Variants in PXDNL observed in about 807,000 individuals in gnomAD.
PXDNL encodes peroxidasin like.
Under a neutral mutation model 150.8 loss-of-function variants are expected in PXDNL, and 145 were observed. That is an observed-to-expected ratio of 0.96 (90% CI 0.84 to 1.10). The LOEUF is 1.10. Ranked by LOEUF, PXDNL falls within the 50% of genes least tolerant of loss-of-function variation. The pLI is 0.00. For missense variants in PXDNL, 2,087 were observed against 1,873.9 expected (o/e 1.11, Z -2.10); for synonymous variants, 757 against 725.7 (o/e 1.04, Z -0.69).
At chr8:51,644,615 G>A (rs1469723154) in intron 2 of PXDNL, among the ~76,000 whole-genome samples, 44 of 14,548 alleles carry the variant, frequency 3.0e-3, no homozygotes, top group Non-Finnish European at 4.8e-3. Flanking sequence ...TCCTGCCACC[G>A]CGCCCAGCTA....
intron 1 of PXDNL, among the ~76,000 whole-genome samples, chr8:51,730,525 C>T (rs1374441970): frequency 1.3e-5 from 2 of 152,088 alleles, no homozygotes; most frequent in Non-Finnish European, 2.9e-5. Flanking sequence ...TGTCTATATG[C>T]CATGGATGTA....
intron 12 of PXDNL, among the ~76,000 whole-genome samples, chr8:51,446,120 T>C (rs994588): frequency 0.54 from 81,968 of 152,184 alleles, 26,131 homozygotes; most frequent in Non-Finnish European, 0.7. Flanking sequence ...TAGCTCAGTG[T>C]AGGCCTTCAT....
chr8:51,588,356 C>T (rs1173353554), intron 3 of PXDNL, among the ~76,000 whole-genome samples: 2 of 152,186 alleles, frequency 1.3e-5, no homozygotes, highest in Admixed American at 1.3e-4. Context: ...GCAGTGGGTA[C>T]ATGAATGTGT....
At chr8:51,637,898 G>C (rs1028608988) in intron 2 of PXDNL, among the ~76,000 whole-genome samples, 73 of 152,266 alleles carry the variant, frequency 4.8e-4, no homozygotes, top group African/African-American at 1.7e-3. Context: ...ACATATAATT[G>C]TCAGATTCAC....
At chr8:51,497,964 A>C (rs572347946) in intron 5 of PXDNL, among the ~76,000 whole-genome samples, 30 of 152,320 alleles carry the variant, frequency 2.0e-4, no homozygotes, top group African/African-American at 6.3e-4. Flanking sequence ...TCATGCTGCT[A>C]TAAAGACACA....
At chr8:51,634,337 A>T (rs977463071) in intron 2 of PXDNL, among the ~76,000 whole-genome samples, 3 of 152,006 alleles carry the variant, frequency 2.0e-5, no homozygotes, top group Admixed American at 6.6e-5. Flanking sequence ...CCATTGGTTT[A>T]TATGTCTGTT....
intron 2 of PXDNL, among the ~76,000 whole-genome samples, chr8:51,608,035 AAG>A (rs1167489470): frequency 1.8e-5 from 2 of 111,676 alleles, no homozygotes; most frequent in African/African-American, 7.7e-5. Flanking sequence ...GAAAGAAAGA[AAG>A]AAAGAAAGAA....
At position 51,709,695 on chromosome 8, in the gene PXDNL, T is replaced by G. The variant is rs534676925; in HGVS notation, c.165-54935A>C. Among the ~76,000 whole-genome samples the G allele has an allele frequency of 4.6e-5, 7 of 152,326 alleles. No individual in the cohort carries two copies. The South Asian group carries it at 1.2e-3, about 27-fold the overall frequency. Reference sequence around the variant, plus strand: ...TGAAGGATAAGTTAATTATGGTACATGAACATGGTGAGATTTTATGTAGTC... The same window carrying G: ...TGAAGGATAAGTTAATTATGGTACAGGAACATGGTGAGATTTTATGTAGTC... On this transcript the variant is annotated intron_variant, in intron 1 of 22. Transcript: ENST00000356297.
At chr8:51,506,280 C>T (rs979872552) in intron 4 of PXDNL, among the ~76,000 whole-genome samples, 6 of 152,136 alleles carry the variant, frequency 3.9e-5, no homozygotes, top group Admixed American at 6.5e-5. Flanking sequence ...CAGTGGCTCA[C>T]GCCTATAATC....
intron 4 of PXDNL, among the ~76,000 whole-genome samples, chr8:51,519,783 A>G (rs1292939115): frequency 1.3e-5 from 2 of 152,254 alleles, no homozygotes; most frequent in Non-Finnish European, 2.9e-5. Flanking sequence ...GGGCATCCCA[A>G]GAGACTGGAA....
intron 2 of PXDNL, among the ~76,000 whole-genome samples, chr8:51,611,327 G>A (rs919077183): frequency 6.6e-6 from 1 of 152,032 alleles, no homozygotes; most frequent in South Asian, 2.1e-4. Context: ...CAGTTACTTC[G>A]ATCATGAAAA....
chr8:51,453,714 T>C lies in PXDNL; in HGVS notation c.1054A>G (p.Met352Val). ...LIGTSTTLEC[M>V]ATGHPHPLIT... Reference sequence around the variant, plus strand: ...AGAGGGTGTGGGTGGCCTGTGGCCATACATTCCAAAGTTGTGCTGGTGCCA... The same window carrying C: ...AGAGGGTGTGGGTGGCCTGTGGCCACACATTCCAAAGTTGTGCTGGTGCCA... The change falls in exon 10 of 23, where the codon ATG becomes GTG. Residue 352 changes from methionine (M) to valine (V), a missense_variant. Physicochemically the swap from Met to Val is conservative, Grantham distance 21 (BLOSUM62 1). Coordinates refer to ENST00000356297, the MANE Select transcript of PXDNL (RefSeq NM_144651.5). 5 of 1,614,048 alleles carry C rather than the reference T, an allele frequency of 3.1e-6. No homozygotes were observed. Among genetic ancestry groups the C allele is most frequent in the Non-Finnish European group, 3.4e-6 (4 of 1,179,908 alleles).
At chr8:51,357,466 T>C (rs962081408) in intron 19 of PXDNL, among the ~76,000 whole-genome samples, 5 of 152,208 alleles carry the variant, frequency 3.3e-5, no homozygotes, top group Admixed American at 6.5e-5. Flanking sequence ...TATCAAGAAG[T>C]GGTCCCTGAA....
chr8:51,659,875 ATTT>A (rs985380745), intron 1 of PXDNL, among the ~76,000 whole-genome samples: 1 of 150,520 alleles, frequency 6.6e-6, no homozygotes, highest in Non-Finnish European at 1.5e-5. Context: ...TTATTTATTT[ATTT>A]ATTTATTTAT....
chr8:51,682,475 A>G (rs1815772759), intron 1 of PXDNL, among the ~76,000 whole-genome samples: 1 of 152,100 alleles, frequency 6.6e-6, no homozygotes, highest in South Asian at 2.1e-4. Context: ...ACATGCCTGG[A>G]GAATGAGCAG....
intron 1 of PXDNL, among the ~76,000 whole-genome samples, chr8:51,776,491 C>A (rs779033725): frequency 6.6e-6 from 1 of 152,112 alleles, no homozygotes; most frequent in Non-Finnish European, 1.5e-5. Context: ...TAGAAAAGAA[C>A]CTACGTGAAA....
intron 1 of PXDNL, among the ~76,000 whole-genome samples, chr8:51,762,814 C>T (rs566140993): frequency 6.6e-6 from 1 of 152,284 alleles, no homozygotes; most frequent in South Asian, 2.1e-4. Flanking sequence ...GAATAAATCA[C>T]TTAAAATCAT....
chr8:51,476,595 A>G (rs984620637), intron 6 of PXDNL, among the ~76,000 whole-genome samples: 20 of 40,996 alleles, frequency 4.9e-4, no homozygotes, highest in Admixed American at 2.3e-3. Context: ...AAAATAGATC[A>G]CCAAAGAGAT....
At chr8:51,659,915 A>C (rs1268668314) in intron 1 of PXDNL, among the ~76,000 whole-genome samples, 2 of 150,768 alleles carry the variant, frequency 1.3e-5, no homozygotes, top group Non-Finnish European at 3.0e-5. Flanking sequence ...TTTGAGAAGG[A>C]GTCTTGCTCT....
Sources: allele counts gnomAD v4.1 joint callset (sites outside exome capture counted in the v4.1 genomes callset), GRCh38; gene constraint gnomAD v4.1.1; transcripts MANE v1.5; gene names NCBI Gene and HGNC (gene_info 2026-07-23, HGNC 2026-07-21).